Variants in SMCHD1 observed in about 807,000 individuals in gnomAD.
SMCHD1 encodes the protein structural maintenance of chromosomes flexible hinge domain-containing protein 1.
A neutral mutation model predicts 254.7 loss-of-function variants in SMCHD1; 78 were observed. That is an observed-to-expected ratio of 0.31 (90% CI 0.26 to 0.37). The LOEUF (loss-of-function observed/expected upper bound fraction) is 0.37, where lower values mean the gene tolerates loss of function less well. Among genes scored for constraint, SMCHD1 ranks in the 10% least tolerant of loss-of-function variants. SMCHD1 has a pLI of 1.00. For synonymous variants in SMCHD1, 766 were observed against 794.9 expected, an observed-to-expected ratio of 0.96 and a Z score of 0.61; for missense variants, 1,840 against 2,408.1, an observed-to-expected ratio of 0.76 and a Z score of 4.94.
chr18:2,668,371 A>G (rs550024777), intron 3 of SMCHD1, among the ~76,000 whole-genome samples: 8 of 152,212 alleles, frequency 5.3e-5, no homozygotes, highest in African/African-American at 1.9e-4. Context: ...TTACTCCTTA[A>G]TCCTGTGTGG....
At chr18:2,676,539 C>T (rs1450107859) in intron 5 of SMCHD1, among the ~76,000 whole-genome samples, 3 of 152,232 alleles carry the variant, frequency 2.0e-5, no homozygotes, top group Non-Finnish European at 4.4e-5. Context: ...AGAAAGGAGA[C>T]TATTGTGACT....
rs116327671 is a variant in SMCHD1 at position 2,735,566 on chromosome 18, G to A, written c.3277-2831G>A. Among the ~76,000 whole-genome samples the A allele has an allele frequency of 2.8e-3, 428 of 152,258 alleles. 3 individuals carry two copies. Among genetic ancestry groups the A allele is most frequent in the African/African-American group, 9.1e-3 (379 of 41,546 alleles). On this transcript the variant is annotated intron_variant, in intron 25 of 47. Transcript: ENST00000320876. ...CAAAATCCTCCTGGAGCTGATAAAC[G>A]ACTTCAGTAGGGTTTCAGAATGCAA... is the stretch of plus-strand genomic sequence containing the variant.
chr18:2,700,406 C>A, intron 10 of SMCHD1, 133 bp from the exon 11 acceptor site: 1 of 955,934 alleles, frequency 1.0e-6, no homozygotes, highest in Non-Finnish European at 1.5e-6. Context: ...TGTAAACCTA[C>A]CTTTTTGTGG....
intron 29 of SMCHD1, among the ~76,000 whole-genome samples, chr18:2,745,496 A>G (rs1231448888): frequency 6.6e-6 from 1 of 152,240 alleles, no homozygotes; most frequent in Non-Finnish European, 1.5e-5. Flanking sequence ...TGCTTTATAA[A>G]ACACAGTTTT....
intron 1 of SMCHD1, among the ~76,000 whole-genome samples, chr18:2,664,743 G>T (rs1471557103): frequency 6.6e-6 from 1 of 152,162 alleles, no homozygotes; most frequent in Non-Finnish European, 1.5e-5. Flanking sequence ...ATTTCAGCAG[G>T]ATTCCTCCAT....
intron 29 of SMCHD1, among the ~76,000 whole-genome samples, chr18:2,745,690 CAT>C (rs1434031918): frequency 6.6e-6 from 1 of 152,068 alleles, no homozygotes; most frequent in Non-Finnish European, 1.5e-5. Context: ...AAAGTCTGGA[CAT>C]GTTTGTCTTA....
intron 25 of SMCHD1, among the ~76,000 whole-genome samples, chr18:2,738,025 T>C (rs56389884): frequency 0.048 from 7,353 of 152,312 alleles, 266 homozygotes; most frequent in Non-Finnish European, 0.078. Context: ...CATTGAAAGC[T>C]TTCCCATAAA....
chr18:2,704,013 A>C, intron 13 of SMCHD1, 127 bp downstream of exon 13: 3 of 660,902 alleles, frequency 4.5e-6, no homozygotes, highest in Non-Finnish European at 7.1e-6. Context: ...CTCACATTTC[A>C]TGAAGAACAT....
intron 45 of SMCHD1, among the ~76,000 whole-genome samples, chr18:2,785,277 C>T (rs1273256961): frequency 6.6e-6 from 1 of 152,200 alleles, no homozygotes; most frequent in Non-Finnish European, 1.5e-5. Context: ...ACTTTCCTAA[C>T]ACAGAGCAGT....
At chr18:2,729,225 A>T (rs1568252259) in intron 23 of SMCHD1, 50 bp from the exon 24 acceptor site, 2 of 1,335,530 alleles carry the variant, frequency 1.5e-6, no homozygotes, top group Non-Finnish European at 2.0e-6. Flanking sequence ...TTACGGAAGA[A>T]TCAAATATAT....
Position 2,674,087 on chromosome 18 carries a change from C to G in SMCHD1, c.580C>G (p.Leu194Val). The change falls in exon 5 of 48, where the codon CTT (leucine) becomes GTT (valine). Residue 194 changes from leucine to valine, a missense_variant. Coordinates refer to ENST00000320876, the MANE Select transcript of SMCHD1 (RefSeq NM_015295.3). ...TGGAAGAGGAATGACCTCTAAACAG[C>G]TTAACAACTGGGCCGTGTATAGGTT... ...DNGRGMTSKQ[L>V]NNWAVYRLSK... 1.9e-6 allele frequency: 3 copies of G among 1,605,074 alleles called. No homozygotes were observed. Among genetic ancestry groups the G allele is most frequent in the Non-Finnish European group, 2.6e-6 (3 of 1,175,346 alleles).
intron 7 of SMCHD1, 38 bp from the exon 8 acceptor site, chr18:2,694,489 G>T: frequency 7.0e-7 from 1 of 1,419,434 alleles, no homozygotes; most frequent in Non-Finnish European, 9.5e-7. Flanking sequence ...TTATAATTTA[G>T]ATGATTTAAT....
At chr18:2,780,795 C>A (rs2076146238) in intron 44 of SMCHD1, among the ~76,000 whole-genome samples, 1 of 152,168 alleles carries the variant, frequency 6.6e-6, no homozygotes, top group Non-Finnish European at 1.5e-5. Context: ...GTTCAGGAGA[C>A]CTGGCTTTCA....
At position 2,762,159 on chromosome 18, in the gene SMCHD1, C is replaced by T. The variant is rs1481428054; in HGVS notation, c.4489C>T (p.Pro1497Ser). 6.2e-7 allele frequency: 1 copy of T among 1,613,428 alleles called. No homozygotes were observed. ...QPVKLVPKIK[P>S]PTPAVSNVRS... ...TGTGAAGTTAGTACCTAAAATTAAA[C>T]CACCTACACCAGCTGTTTCAAATGT... The change falls in exon 36 of 48, where the codon CCA becomes TCA. Residue 1497 changes from proline to serine, a missense_variant. Physicochemically the swap from Pro to Ser is moderately conservative, Grantham distance 74. Transcript: ENST00000320876.
At chr18:2,800,326 G>A (rs1442051660) in intron 47 of SMCHD1, among the ~76,000 whole-genome samples, 2 of 152,028 alleles carry the variant, frequency 1.3e-5, no homozygotes, top group African/African-American at 2.4e-5. Context: ...TTGTCAACAG[G>A]CATGAAAAGA....
intron 41 of SMCHD1, among the ~76,000 whole-genome samples, chr18:2,774,920 A>G (rs1318661776): frequency 7.9e-5 from 12 of 152,252 alleles, no homozygotes; most frequent in Admixed American, 7.9e-4. Context: ...GAGATATGCC[A>G]CCCTTGAACC....
intron 41 of SMCHD1, among the ~76,000 whole-genome samples, chr18:2,773,169 C>T (rs1383257327): frequency 6.6e-6 from 1 of 152,056 alleles, no homozygotes; most frequent in African/African-American, 2.4e-5. Flanking sequence ...TACGTTATTA[C>T]CCAAACCTCA....
At chr18:2,704,604 A>ATTTT (rs141807133) in intron 13 of SMCHD1, among the ~76,000 whole-genome samples, 2 of 138,922 alleles carry the variant, frequency 1.4e-5, no homozygotes, top group Non-Finnish European at 3.1e-5. Flanking sequence ...AGAGGAGAGG[A>ATTTT]TTTTTTTTTT....
intron 1 of SMCHD1, among the ~76,000 whole-genome samples, chr18:2,659,107 A>G (rs1032096355): frequency 6.6e-6 from 1 of 152,030 alleles, no homozygotes; most frequent in Non-Finnish European, 1.5e-5. Flanking sequence ...GGGTGATCCT[A>G]AACTGTTACT....
Sources: gnomAD v4.1 joint callset for allele counts (sites outside exome capture counted in the v4.1 genomes callset) on GRCh38, gnomAD v4.1.1 for gene constraint, MANE v1.5 for transcripts, NCBI Gene and HGNC (gene_info 2026-07-23, HGNC 2026-07-21) for gene names.